Variants in COL6A5 observed in about 807,000 individuals in gnomAD.
The protein encoded by COL6A5 is collagen alpha-5(VI) chain.
A neutral mutation model predicts 65.6 loss-of-function variants in COL6A5; 48 were observed. The observed-to-expected ratio is 0.73, with a 90% CI of 0.58 to 0.93. The LOEUF (loss-of-function observed/expected upper bound fraction) is 0.93, where lower values mean the gene tolerates loss of function less well. Ranked by LOEUF, COL6A5 falls within the 40% of genes least tolerant of loss-of-function variation. The pLI, the probability that COL6A5 is intolerant of heterozygous loss-of-function variation, is 0.00. For missense variants in COL6A5, 914 were observed against 928.3 expected, an observed-to-expected ratio of 0.98 and a Z score of 0.20; for synonymous variants, 291 against 322.8, an observed-to-expected ratio of 0.90 and a Z score of 1.05.
chr3:130,424,769 G>A (rs1253957095), intron 29 of COL6A5, among the ~76,000 whole-genome samples: 1 of 152,142 alleles, frequency 6.6e-6, no homozygotes, highest in East Asian at 1.9e-4. Context: ...TAAGGAATGT[G>A]TGAATATTCC....
intron 1 of COL6A5, among the ~76,000 whole-genome samples, chr3:130,355,376 CA>C (rs1235078395): frequency 6.6e-6 from 1 of 151,588 alleles, no homozygotes; most frequent in Non-Finnish European, 1.5e-5. Flanking sequence ...AAAACACAAA[CA>C]AAAAATTAAA....
upstream of COL6A5, chr3:130,429,612 G>C (rs142205389): frequency 1.6e-5 from 25 of 1,537,396 alleles, no homozygotes; most frequent in African/African-American, 2.8e-4. Flanking sequence ...GCTGTTCCCT[G>C]CTGAGATCAT....
rs1399789145 is a variant in COL6A5, at chr3:130,385,365, G to GT, written c.1861+2dup. 2.3e-5 allele frequency: 35 copies of GT among 1,547,088 alleles called. No homozygotes were observed. The African/African-American group carries it at 4.3e-4, about 19-fold the overall frequency. On this transcript the variant is annotated splice_donor_variant and NMD_transcript_variant, in intron 5 of 41. Transcript: ENST00000312481. ...GTTCGTGAAATCTGCGCTGAAAAAG[G>GT]TAAGCAACACAAAAAAGGCTTTATT...
At chr3:130,471,789 G>T in intron 7 of COL6A5, 1 of 1,535,008 alleles carries the variant, frequency 6.5e-7, no homozygotes, top group Middle Eastern at 1.7e-4. Context: ...CATAGTAGTG[G>T]TTCTGAGACA....
At chr3:130,382,207 A>C (rs75594510) in intron 4 of COL6A5, among the ~76,000 whole-genome samples, 1,713 of 152,162 alleles carry the variant, frequency 0.011, 27 homozygotes, top group African/African-American at 0.04. Context: ...GAGTTGTCCC[A>C]GGCAAGGAAA....
intron 1 of COL6A5, among the ~76,000 whole-genome samples, chr3:130,360,459 A>G (rs189303837): frequency 0.012 from 1,770 of 152,206 alleles, 18 homozygotes; most frequent in Non-Finnish European, 0.014. Context: ...GCATTCGACT[A>G]ATGTAGATTA....
intron 1 of COL6A5, among the ~76,000 whole-genome samples, chr3:130,365,378 C>T (rs902390435): frequency 2.0e-5 from 3 of 152,156 alleles, no homozygotes; most frequent in African/African-American, 7.2e-5. Flanking sequence ...CCCGGGTTCA[C>T]GCTATTCTCC....
intron 7 of COL6A5, among the ~76,000 whole-genome samples, chr3:130,479,572 G>C (rs992953410): frequency 1.2e-4 from 18 of 152,210 alleles, no homozygotes; most frequent in African/African-American, 4.3e-4. Context: ...TTTCAACTGA[G>C]AGATGAGATT....
intron 2 of COL6A5, 49 bp downstream of exon 34, chr3:130,439,664 C>T (rs1475603664): frequency 4.1e-6 from 5 of 1,229,704 alleles, no homozygotes; most frequent in African/African-American, 1.5e-5. Context: ...TAAATGCCTT[C>T]TAGATGAGTT....
intron 19 of COL6A5, 146 bp from the exon 20 acceptor site, chr3:130,410,325 G>A (rs2107673743): frequency 3.0e-6 from 2 of 668,852 alleles, no homozygotes; most frequent in East Asian, 5.4e-5. Context: ...TCTTGAAAGG[G>A]CATATAACTG....
intron 7 of COL6A5, among the ~76,000 whole-genome samples, 155 bp downstream of exon 40, chr3:130,472,081 A>C (rs1420139637): frequency 6.6e-6 from 1 of 152,066 alleles, no homozygotes; most frequent in African/African-American, 2.4e-5. Context: ...AAGGGAGATA[A>C]AACTTCAGAA....
At chr3:130,426,128 G>GT (rs1937597368) in intron 29 of COL6A5, 86 bp from the exon 30 acceptor site, 2 of 1,308,874 alleles carry the variant, frequency 1.5e-6, no homozygotes, top group Non-Finnish European at 2.1e-6. Flanking sequence ...AAGAAAGAAA[G>GT]TTTTTTGTTT....
At chr3:130,409,207 C>G (rs935061527) in intron 17 of COL6A5, 119 bp from the exon 18 acceptor site, 6 of 665,434 alleles carry the variant, frequency 9.0e-6, no homozygotes, top group Non-Finnish European at 1.5e-5. Context: ...GGGAATCTGA[C>G]TGTGATAGGA....
intron 4 of COL6A5, among the ~76,000 whole-genome samples, chr3:130,382,827 T>C (rs190779487): frequency 6.6e-6 from 1 of 152,218 alleles, no homozygotes; most frequent in East Asian, 1.9e-4. Context: ...CTCAAGCGAC[T>C]GATGTATAGA....
chr3:130,463,756 A>C (rs901558633), intron 5 of COL6A5, among the ~76,000 whole-genome samples: 1 of 152,120 alleles, frequency 6.6e-6, no homozygotes, highest in African/African-American at 2.4e-5. Context: ...CTTCTGCCAG[A>C]TTATCTTGAA....
chr3:130,373,379 A>G (rs1262572831), intron 1 of COL6A5, among the ~76,000 whole-genome samples: 1 of 152,176 alleles, frequency 6.6e-6, no homozygotes, highest in Non-Finnish European at 1.5e-5. Context: ...ATTAAATTAG[A>G]TGACACTTGT....
chr3:130,361,222 G>A (rs1302627120), intron 1 of COL6A5, among the ~76,000 whole-genome samples: 3 of 152,052 alleles, frequency 2.0e-5, no homozygotes, highest in Non-Finnish European at 2.9e-5. Context: ...TTTAAAAATC[G>A]TCTGTGCTCC....
intron 20 of COL6A5, 133 bp downstream of exon 20, chr3:130,410,657 A>G: frequency 1.4e-6 from 1 of 727,424 alleles, no homozygotes; most frequent in South Asian, 1.8e-5. Context: ...TCTTGACACT[A>G]CTGAAATTTG....
intron 2 of COL6A5, among the ~76,000 whole-genome samples, chr3:130,375,553 T>C (rs1935732457): frequency 6.6e-6 from 1 of 152,114 alleles, no homozygotes; most frequent in Non-Finnish European, 1.5e-5. Context: ...AATTGCTTAC[T>C]CTATAACGTT....
Sources: allele counts gnomAD v4.1 joint callset (sites outside exome capture counted in the v4.1 genomes callset), GRCh38; gene constraint gnomAD v4.1.1; transcripts MANE v1.5; gene names NCBI Gene and HGNC (gene_info 2026-07-23, HGNC 2026-07-21).